The following ATXN2 variants were observed in gnomAD, a reference collection of about 807,000 sequenced individuals.
The protein encoded by ATXN2 is ataxin 2, also known as ataxin-2.
A neutral mutation model predicts 138.6 loss-of-function variants in ATXN2; 37 were observed. The observed-to-expected ratio is 0.27, with a 90% CI of 0.21 to 0.35. The LOEUF (loss-of-function observed/expected upper bound fraction) is 0.35, where lower values mean the gene tolerates loss of function less well. Ranked by LOEUF, ATXN2 falls within the 10% of genes least tolerant of loss-of-function variation. The probability of loss-of-function intolerance (pLI) is 1.00; values close to 1 mark genes in which losing one functional copy is unlikely to be tolerated. For synonymous variants in ATXN2, 549 were observed against 543.7 expected, an observed-to-expected ratio of 1.01 and a Z score of -0.13; for missense variants, 1,216 against 1,480.3, an observed-to-expected ratio of 0.82 and a Z score of 2.93.
rs1885025635 is a variant in ATXN2 at position 111,598,046 on chromosome 12, C to T, written c.251+738G>A. On this transcript the variant is annotated intron_variant, in intron 1 of 24. Transcript: ENST00000673436. The surrounding 1 kb of genome is among the most constrained non-coding windows in gnomAD (Gnocchi z 4.5). ...CGGGGCCGGGCACTCCCCACCCCTT[C>T]CCTTCCCCAGGTGGGGGAGGGTGGA... The T allele has an allele frequency of 8.6e-7, 1 of 1,164,620 alleles. No individual in the cohort carries two copies. The highest frequency in any genetic ancestry group is 1.1e-6 in the Non-Finnish European group (1 of 927,002). The allele number at this position is 1,164,620 out of a possible 1,614,324, so 72.1% of individuals were successfully genotyped here.
intron 5 of ATXN2, among the ~76,000 whole-genome samples, chr12:111,545,752 G>A (rs1881768847): frequency 6.6e-6 from 1 of 151,912 alleles, no homozygotes; most frequent in South Asian, 2.1e-4. Context: ...AGGCCCAGCA[G>A]TTTGAGACCA....
intron 18 of ATXN2, among the ~76,000 whole-genome samples, chr12:111,479,536 A>AAAAC (rs757292995): frequency 2.8e-4 from 42 of 152,008 alleles, no homozygotes; most frequent in African/African-American, 8.9e-4. Flanking sequence ...CTCCATCTCA[A>AAAAC]AAACAAACAA....
chr12:111,498,185 T>C (rs1013352011), intron 14 of ATXN2, among the ~76,000 whole-genome samples: 22 of 152,300 alleles, frequency 1.4e-4, no homozygotes, highest in African/African-American at 4.6e-4. Flanking sequence ...ACTTTCACCA[T>C]TGTTATTCAA....
chr12:111,470,543 C>T lies in ATXN2; in HGVS notation c.2709+15G>A, dbSNP rs1338871883. ...TATGGTACAAAAATTAAGAGTTAGG[C>T]CTTACCAGCCTTACCTGAGACTGAT... On this transcript the variant is annotated intron_variant, in intron 19 of 24. Transcript: ENST00000673436. 6.2e-7 allele frequency: 1 copy of T among 1,612,002 alleles called. No individual in the cohort carries two copies. Among genetic ancestry groups the T allele is most frequent in the East Asian group, 2.2e-5 (1 of 44,820 alleles).
chr12:111,563,917 T>A (rs1054687946), intron 1 of ATXN2, among the ~76,000 whole-genome samples: 16 of 152,176 alleles, frequency 1.1e-4, no homozygotes, highest in African/African-American at 3.9e-4. Flanking sequence ...TAGATCTGTA[T>A]TATAATTACT....
intron 1 of ATXN2, among the ~76,000 whole-genome samples, chr12:111,593,698 AAAACT>A (rs1388570306): frequency 3.3e-5 from 5 of 152,214 alleles, no homozygotes; most frequent in African/African-American, 4.8e-5. Flanking sequence ...ACTTGAAACA[AAAACT>A]AAACTAATTA....
At chr12:111,482,049 T>C (rs796601012) in intron 18 of ATXN2, among the ~76,000 whole-genome samples, 5 of 152,058 alleles carry the variant, frequency 3.3e-5, no homozygotes, top group African/African-American at 1.2e-4. Flanking sequence ...CAACTGATGA[T>C]AGGTAAAAGT....
chr12:111,529,034 A>G (rs1446676502), intron 5 of ATXN2, among the ~76,000 whole-genome samples: 1 of 152,012 alleles, frequency 6.6e-6, no homozygotes, highest in Non-Finnish European at 1.5e-5. Context: ...TAGTGCCGCA[A>G]TCACTGCAGC....
chr12:111,455,337 C>A, intron 23 of ATXN2: 1 of 514,446 alleles, frequency 1.9e-6, no homozygotes, highest in African/African-American at 1.9e-5. Flanking sequence ...CCTTTGTCAG[C>A]AGCTGATGCA....
chr12:111,560,460 G>T (rs1420358077), intron 1 of ATXN2, among the ~76,000 whole-genome samples: 1 of 152,082 alleles, frequency 6.6e-6, no homozygotes, highest in Non-Finnish European at 1.5e-5. Flanking sequence ...TGACTACACA[G>T]CATCACCTAG....
rs61456193 is a variant in ATXN2, at chr12:111,465,767, CAAAAA to C, written c.2843-1057_2843-1053del. Among the ~76,000 whole-genome samples the C allele has an allele frequency of 3.9e-4, 14 of 36,264 alleles. No individual in the cohort carries two copies. The South Asian group carries it at 7.4e-3, about 19-fold the overall frequency. 23.8% of individuals were successfully genotyped at this position (36,264 alleles called of 152,430 possible). On this transcript the variant is annotated intron_variant, in intron 20 of 24. Transcript: ENST00000673436. The stretch of plus-strand genomic sequence containing the variant: ...AATGGGTGACAGAGTGAGACTACCT[CAAAAA>C]AAAAAAAAAAAAAAAAAAAAGAGTA...
chr12:111,571,943 C>G lies in ATXN2; in HGVS notation c.252-16024G>C, dbSNP rs144298686. On this transcript the variant is annotated intron_variant, in intron 1 of 24. Transcript: ENST00000673436. Reference sequence around the variant, plus strand: ...AGGAGAATCGCCTGAACCCAGGAGGCAGAGGTTGCAGTGAGCCAAGATTGC... The same window carrying G: ...AGGAGAATCGCCTGAACCCAGGAGGGAGAGGTTGCAGTGAGCCAAGATTGC... Among the ~76,000 whole-genome samples, 692 of 147,070 alleles carry G rather than the reference C, an allele frequency of 4.7e-3. 7 individuals carry two copies. The highest frequency in any genetic ancestry group is 0.016 in the African/African-American group (635 of 39,370).
At chr12:111,496,571 T>C (rs1592832873) in intron 14 of ATXN2, among the ~76,000 whole-genome samples, 1 of 151,450 alleles carries the variant, frequency 6.6e-6, no homozygotes, top group African/African-American at 2.4e-5. Context: ...AAAATAACAC[T>C]AGATAACAAG....
chr12:111,516,032 A>G lies in ATXN2; in HGVS notation c.1375+122T>C, dbSNP rs1041026097. 11 of 951,158 alleles carry G rather than the reference A, an allele frequency of 1.2e-5. No individual in the cohort carries two copies. The highest frequency in any genetic ancestry group is 7.6e-5 in the South Asian group (4 of 52,588). The allele number at this position is 951,158 out of a possible 1,614,324, so 58.9% of individuals were successfully genotyped here. On this transcript the variant is annotated intron_variant, in intron 10 of 24. Transcript: ENST00000673436. The surrounding 1 kb of genome is among the most constrained non-coding windows in gnomAD (Gnocchi z 5.0). Reference sequence around the variant, plus strand: ...TTAATAGAAATAGTTTTAATAAACTAAAGTTAAAACACAGAAATTATAGGT... The same window carrying G: ...TTAATAGAAATAGTTTTAATAAACTGAAGTTAAAACACAGAAATTATAGGT...
chr12:111,528,363 T>C (rs1467892519), intron 5 of ATXN2, among the ~76,000 whole-genome samples: 1 of 152,178 alleles, frequency 6.6e-6, no homozygotes, highest in Non-Finnish European at 1.5e-5. Context: ...AGCTTAAATA[T>C]GTTTTTACAG....
At chr12:111,590,590 C>T (rs908669057) in intron 1 of ATXN2, among the ~76,000 whole-genome samples, 3 of 151,756 alleles carry the variant, frequency 2.0e-5, no homozygotes, top group African/African-American at 7.3e-5. Flanking sequence ...GAGGCTAAGG[C>T]AGGAGAATCG....
Position 111,594,687 on chromosome 12 carries a change from T to C in ATXN2, c.251+4097A>G, listed in dbSNP as rs533065385. Among the ~76,000 whole-genome samples the C allele has an allele frequency of 1.3e-3, 200 of 152,206 alleles. No individual in the cohort carries two copies. The Middle Eastern group carries it at 0.037, about 28-fold the overall frequency. Reference sequence around the variant, plus strand: ...TTTTTATTTTTAATGGGGAAGGGAATGTAGAAGAAGAAGAGTCAACCAGCG... The same window carrying C: ...TTTTTATTTTTAATGGGGAAGGGAACGTAGAAGAAGAAGAGTCAACCAGCG... On this transcript the variant is annotated intron_variant, in intron 1 of 24. Coordinates refer to ENST00000673436, the MANE Select transcript of ATXN2 (RefSeq NM_001372574.1).
chr12:111,520,724 CT>C (rs894845148), intron 7 of ATXN2, among the ~76,000 whole-genome samples, 157 bp downstream of exon 7: 21 of 152,032 alleles, frequency 1.4e-4, no homozygotes, highest in East Asian at 3.9e-4. Flanking sequence ...CATTTATTCC[CT>C]TTTTTTAATG....
chr12:111,509,293 T>G (rs1197866239), intron 14 of ATXN2, among the ~76,000 whole-genome samples: 1 of 152,140 alleles, frequency 6.6e-6, no homozygotes, highest in Non-Finnish European at 1.5e-5. Context: ...GACCATCAAA[T>G]AGTAAGCTGT....
Sources: allele counts gnomAD v4.1 joint callset (sites outside exome capture counted in the v4.1 genomes callset), GRCh38; gene constraint gnomAD v4.1.1; non-coding constraint Gnocchi (gnomAD v3.1); transcripts MANE v1.5; gene names NCBI Gene and HGNC (gene_info 2026-07-23, HGNC 2026-07-21).